The following FIBP variants were observed in gnomAD, a reference collection of about 807,000 sequenced individuals.
FIBP encodes the protein FGF1 intracellular binding protein, also known as acidic fibroblast growth factor intracellular-binding protein.
In FIBP, 29 loss-of-function variants were observed where a neutral mutation model predicts 40.5. The observed-to-expected ratio is 0.72, with a 90% CI of 0.53 to 0.98. The LOEUF (loss-of-function observed/expected upper bound fraction) is 0.98. Ranked by LOEUF, FIBP falls within the 50% of genes least tolerant of loss-of-function variation. The pLI is 0.00. For synonymous variants in FIBP, 215 were observed against 191.1 expected, an observed-to-expected ratio of 1.13 and a Z score of -1.03; for missense variants, 411 against 470.2, an observed-to-expected ratio of 0.87 and a Z score of 1.16.
intron 6 of FIBP, 24 bp from the exon 7 acceptor site, chr11:65,885,022 T>G (rs769666927): frequency 6.2e-7 from 1 of 1,614,078 alleles, no homozygotes; most frequent in South Asian, 1.1e-5. Context: ...GGGTCACGCC[T>G]ATAGCCACCT....
intron 3 of FIBP, chr11:65,887,139 A>G (rs1434578875): frequency 3.0e-6 from 1 of 328,726 alleles, no homozygotes; most frequent in Non-Finnish European, 5.9e-6. Flanking sequence ...CATACAGTAC[A>G]GGATAGCTTG....
In FIBP at chr11:65,884,476, C is replaced by T. The variant is rs1860175823; in HGVS notation, c.920G>A (p.Cys307Tyr). The change falls in exon 9 of 10, where the codon TGC becomes TAC. Residue 307 changes from cysteine to tyrosine, a missense_variant. By Grantham distance (194) the Cys-to-Tyr change is radical. Coordinates refer to ENST00000357519, the MANE Select transcript of FIBP (RefSeq NM_004214.5). ...GCTGAGTGGCCAGTGGTCGGAGCGG[C>T]AGGGTTCCACAAACTGCGGGCCCAA... is the stretch of plus-strand genomic sequence containing the variant. ...VDLVEKFVEP[C>Y]RSDHWPLSDV... 1 of 1,614,054 alleles carries T rather than the reference C, an allele frequency of 6.2e-7. No individual in the cohort carries two copies.
intron 1 of FIBP, 100 bp downstream of exon 1, chr11:65,888,234 C>T (rs766109705): frequency 4.5e-5 from 66 of 1,466,182 alleles, no homozygotes; most frequent in Middle Eastern, 3.4e-4. Flanking sequence ...CCCAGGCGCT[C>T]GCCCACTTCC....
rs1472735427 is a variant in FIBP, at chr11:65,886,706, A to T, written c.412-284T>A. 2.1e-5 allele frequency: 7 copies of T among 326,658 alleles called. 1 individual carries two copies. The highest frequency in any genetic ancestry group is 1.5e-4 in the African/African-American group (7 of 47,078). The allele number at this position is 326,658 out of a possible 1,614,324, so 20.2% of individuals were successfully genotyped here. A position where few individuals can be genotyped will look rare whatever the true frequency, so the allele number is the denominator to read the frequency against. Reference sequence around the variant, plus strand: ...GCACCATGCTCTCCAGATCTTCACAAGTTTGAGTTGGAAGAGACTTTCCTG... The same window carrying T: ...GCACCATGCTCTCCAGATCTTCACATGTTTGAGTTGGAAGAGACTTTCCTG... On this transcript the variant is annotated intron_variant, in intron 3 of 9. Transcript: ENST00000357519.
At chr11:65,884,093 A>C (rs1366039614) in intron 9 of FIBP, 50 bp from the exon 10 acceptor site, 5 of 1,441,942 alleles carry the variant, frequency 3.5e-6, no homozygotes, top group Non-Finnish European at 4.9e-6. Flanking sequence ...ACTCACCGTG[A>C]TGGAGGCCCT....
chr11:65,888,254 G>A, intron 1 of FIBP, 80 bp downstream of exon 1: 3 of 1,481,484 alleles, frequency 2.0e-6, no homozygotes, highest in Non-Finnish European at 2.7e-6. Flanking sequence ...CCTAAAGGAT[G>A]CCCAAGTCTT....
chr11:65,886,474 C>A, intron 3 of FIBP, 52 bp from the exon 4 acceptor site: 1 of 1,223,010 alleles, frequency 8.2e-7, no homozygotes, highest in Non-Finnish European at 1.2e-6. Context: ...TACACTGTGT[C>A]GCTCACCCAA....
At chr11:65,886,689 C>A (rs1183272160) in intron 3 of FIBP, 1 of 369,910 alleles carries the variant, frequency 2.7e-6, no homozygotes. Flanking sequence ...TAGCACCATG[C>A]TCTCCAGATC....
intron 5 of FIBP, 126 bp downstream of exon 5, chr11:65,885,404 C>T (rs1292522244): frequency 8.3e-7 from 1 of 1,206,080 alleles, no homozygotes; most frequent in Non-Finnish European, 1.2e-6. Flanking sequence ...GCAGGGGGAG[C>T]CTGGGTGGGG....
rs1860240359 is a variant in FIBP at position 65,886,429 on chromosome 11, G to A, written c.412-7C>T. 6.3e-7 allele frequency: 1 copy of A among 1,593,848 alleles called. No homozygotes were observed. Among genetic ancestry groups the A allele is most frequent in the Non-Finnish European group, 8.6e-7 (1 of 1,161,790 alleles). On this transcript the variant is annotated splice_polypyrimidine_tract_variant and splice_region_variant and intron_variant, in intron 3 of 9. Transcript: ENST00000357519. ...CCCGTTTAAAGTTGTCAAACTGCAG[G>A]GCAGTTAGGGTAGAAGAGAGGACTG... is the stretch of plus-strand genomic sequence containing the variant.
At position 65,886,406 on chromosome 11, in the gene FIBP, C is replaced by G; in HGVS notation, c.428G>C (p.Arg143Pro). 1 of 1,613,586 alleles carries G rather than the reference C, an allele frequency of 6.2e-7. No homozygotes were observed. Among genetic ancestry groups the G allele is most frequent in the Admixed American group, 1.7e-5 (1 of 59,996 alleles). The stretch of plus-strand genomic sequence containing the variant: ...CATTTCCTCTACCACCTTGAAGACC[C>G]GTTTAAAGTTGTCAAACTGCAGGGC... ...SCRRQFDNFK[R>P]VFKVVEEMRG... The change falls in exon 4 of 10, where the codon CGG becomes CCG. Residue 143 changes from arginine (R) to proline (P), a missense_variant. Arg to Pro is a moderately radical substitution (Grantham distance 103, BLOSUM62 -2). Transcript: ENST00000357519.
Position 65,883,800 on chromosome 11 carries a change from T to C in FIBP, c.*174A>G. On this transcript the variant is annotated 3_prime_UTR_variant, in exon 10 of 10. Coordinates refer to ENST00000357519, the MANE Select transcript of FIBP (RefSeq NM_004214.5). ...AGCACAGACACCATTCCCTGAGATA[T>C]GTCTCAGTTCCCAAGGAGCCACTGT... 1.4e-6 allele frequency: 1 copy of C among 737,898 alleles called. No individual in the cohort carries two copies. The highest frequency in any genetic ancestry group is 2.3e-6 in the Non-Finnish European group (1 of 443,290). 45.7% of individuals were successfully genotyped at this position (737,898 alleles called of 1,614,324 possible).
chr11:65,887,841 G>A (rs1860279724), intron 2 of FIBP, 93 bp downstream of exon 2: 4 of 1,590,276 alleles, frequency 2.5e-6, no homozygotes, highest in African/African-American at 1.3e-5. Context: ...TGATGGCTGG[G>A]TAAATCCCAT....
intron 7 of FIBP, 49 bp downstream of exon 7, chr11:65,884,886 A>C (rs374597428): frequency 6.2e-7 from 1 of 1,604,216 alleles, no homozygotes; most frequent in Non-Finnish European, 8.5e-7. Flanking sequence ...GGGGTGGCGA[A>C]CTGGAGGCTG....
At position 65,885,578 on chromosome 11, in the gene FIBP, C is replaced by CA; in HGVS notation, c.597dup (p.Ala200CysfsTer5). On this transcript the variant is annotated frameshift_variant, in exon 5 of 10. Transcript: ENST00000357519. LOFTEE classifies it high-confidence loss of function. ...TGGATCATGAGCTCAGCGCAGAAGGCAAAGTCACCGAAGCTCAGATACTGC... is the reference window on the plus strand; with the variant it reads ...TGGATCATGAGCTCAGCGCAGAAGGCAAAAGTCACCGAAGCTCAGATACTGC... 6.2e-7 allele frequency: 1 copy of CA among 1,614,190 alleles called. No individual in the cohort carries two copies. Among genetic ancestry groups the CA allele is most frequent in the East Asian group, 2.2e-5 (1 of 44,890 alleles).
intron 5 of FIBP, 62 bp downstream of exon 5, chr11:65,885,468 G>A (rs377478634): frequency 3.2e-6 from 5 of 1,577,338 alleles, no homozygotes; most frequent in Non-Finnish European, 4.3e-6. Context: ...GAAACTACTG[G>A]TGGGGAATCA....
intron 9 of FIBP, 68 bp from the exon 10 acceptor site, chr11:65,884,111 G>C: frequency 1.6e-6 from 2 of 1,280,156 alleles, no homozygotes; most frequent in South Asian, 2.5e-5. Context: ...CCTGCCCTGC[G>C]TGCTTTCTAC....
rs188776710 is a variant in FIBP, at chr11:65,884,909, G to C, written c.819+26C>G. Reference sequence around the variant, plus strand: ...GAACTGGAGGCTGAAGATGCCAAGGGTCAGAGGCTGGATGGGACCACAGAC... The same window carrying C: ...GAACTGGAGGCTGAAGATGCCAAGGCTCAGAGGCTGGATGGGACCACAGAC... On this transcript the variant is annotated intron_variant, in intron 7 of 9. Coordinates refer to ENST00000357519, the MANE Select transcript of FIBP (RefSeq NM_004214.5). 103 of 1,613,556 alleles carry C rather than the reference G, an allele frequency of 6.4e-5. No homozygotes were observed. The African/African-American group carries it at 1.1e-3, about 17-fold the overall frequency.
intron 4 of FIBP, chr11:65,886,099 G>A (rs1860228318): frequency 2.0e-6 from 1 of 499,904 alleles, no homozygotes; most frequent in East Asian, 3.4e-5. Context: ...CCAGGAGGCA[G>A]AGGTTGCAGT....
Sources: allele counts gnomAD v4.1 joint callset, GRCh38; gene constraint gnomAD v4.1.1; transcripts MANE v1.5; gene names NCBI Gene and HGNC (gene_info 2026-07-23, HGNC 2026-07-21).